SLC29A4: variants seen among roughly 807,000 people sequenced by gnomAD.
The protein encoded by SLC29A4 is solute carrier family 29 member 4.
In SLC29A4, 36 loss-of-function variants were observed where a neutral mutation model predicts 43.9. The ratio of observed to expected loss-of-function variants is 0.82; its 90% CI spans 0.63 to 1.08. The LOEUF is 1.08. Ranked by LOEUF, SLC29A4 falls within the 50% of genes least tolerant of loss-of-function variation. SLC29A4 has a pLI of 0.00. For synonymous variants in SLC29A4, 491 were observed against 338.0 expected (o/e 1.45, Z -4.97); for missense variants, 869 against 755.3 (o/e 1.15, Z -1.77).
At position 5,299,411 on chromosome 7, in the gene SLC29A4, C is replaced by CA. The variant is rs764948204; in HGVS notation, c.1194dup (p.Asp399ArgfsTer146). On this transcript the variant is annotated frameshift_variant, in exon 9 of 11. Transcript: ENST00000396872. LOFTEE classifies it high-confidence loss of function. ...CTCATCATGGCTGTGTTCAACCTGT[C>CA]AGACTTCGTGGGCAAGGTGGGCTGC... 4 of 1,611,446 alleles carry CA rather than the reference C, an allele frequency of 2.5e-6. No individual in the cohort carries two copies. The highest frequency in any genetic ancestry group is 3.4e-6 in the Non-Finnish European group (4 of 1,179,252).
intron 1 of SLC29A4, among the ~76,000 whole-genome samples, chr7:5,286,544 A>AG (rs1554261395): frequency 1.1e-3 from 160 of 147,092 alleles, no homozygotes; most frequent in African/African-American, 3.7e-3. Flanking sequence ...AGAAAAAAGA[A>AG]AAAAATCATT....
intron 10 of SLC29A4, 23 bp from the exon 11 acceptor site, chr7:5,302,774 C>T (rs1279913447): frequency 6.5e-7 from 1 of 1,545,458 alleles, no homozygotes; most frequent in East Asian, 2.4e-5. Context: ...GCCCTGCTCC[C>T]CTCAGGCTGG....
chr7:5,283,665 G>C (rs917957194), intron 1 of SLC29A4, among the ~76,000 whole-genome samples: 10 of 152,342 alleles, frequency 6.6e-5, no homozygotes, highest in Admixed American at 2.0e-4. Flanking sequence ...GAAAGGGGGT[G>C]GCCGGAGGGG....
chr7:5,294,746 G>C, intron 5 of SLC29A4, 114 bp from the exon 6 acceptor site: 1 of 987,382 alleles, frequency 1.0e-6, no homozygotes, highest in Non-Finnish European at 1.6e-6. Context: ...GCCATTAGTG[G>C]TGTTAACGGC....
rs544978945 is a variant in SLC29A4 at position 5,288,591 on chromosome 7, C to T, written c.169+606C>T. 7.9e-5 allele frequency among the ~76,000 whole-genome samples: 12 copies of T among 152,218 alleles called. 1 individual carries two copies. The South Asian group carries it at 1.5e-3, about 18-fold the overall frequency. ...ACAGGCTTGAGCCACCGCGCCCGTC[C>T]GCTGACCCATAAAGCTTCTATCTGG... On this transcript the variant is annotated intron_variant, in intron 2 of 10. Coordinates refer to ENST00000396872, the MANE Select transcript of SLC29A4 (RefSeq NM_153247.4).
chr7:5,299,506 G>C, intron 9 of SLC29A4, 79 bp downstream of exon 9: 4 of 1,460,686 alleles, frequency 2.7e-6, no homozygotes, highest in South Asian at 1.3e-5. Flanking sequence ...TATCCGGGAA[G>C]GGTTCTGAGT....
Position 5,306,328 on chromosome 7 carries a change from G to A in SLC29A4, c.*3389G>A, listed in dbSNP as rs888287511. The A allele has an allele frequency of 1.4e-4, 21 of 150,656 alleles. No individual in the cohort carries two copies. The highest frequency in any genetic ancestry group is 5.1e-4 in the African/African-American group (21 of 40,806). The allele number at this position is 150,656 out of a possible 1,614,324, so 9.3% of individuals were successfully genotyped here. On this transcript the variant is annotated 3_prime_UTR_variant, in exon 11 of 11. Transcript: ENST00000396872. ...TCCCACCTCAGCCTCCCGAGTAGCT[G>A]GGATTACAGGTGTGGGCCACCACAC...
intron 7 of SLC29A4, 133 bp downstream of exon 7, chr7:5,297,331 C>T (rs879749166): frequency 1.0e-4 from 109 of 1,058,288 alleles, no homozygotes; most frequent in Non-Finnish European, 1.3e-4. Context: ...GTGGAGACTC[C>T]TTCCTGCCAG....
rs528465717 is a variant in SLC29A4, at chr7:5,295,246, G to A, written c.619+312G>A. On this transcript the variant is annotated intron_variant, in intron 6 of 10. Coordinates refer to ENST00000396872, the MANE Select transcript of SLC29A4 (RefSeq NM_153247.4). ...CTGGGTGTGTGTTTGGTAAGTCTGC[G>A]TGTGCGCGTGTGTTAGGAGGTGGGC... Among the ~76,000 whole-genome samples the A allele has an allele frequency of 2.7e-4, 41 of 152,210 alleles. 1 individual carries two copies. The highest frequency in any genetic ancestry group is 4.0e-4 in the Non-Finnish European group (27 of 67,978).
chr7:5,297,888 C>G (rs921766116), intron 7 of SLC29A4, among the ~76,000 whole-genome samples: 1 of 152,164 alleles, frequency 6.6e-6, no homozygotes, highest in Non-Finnish European at 1.5e-5. Flanking sequence ...GTCCCCAGCA[C>G]AGACAGCCCC....
intron 2 of SLC29A4, 147 bp downstream of exon 2, chr7:5,288,132 C>T: frequency 2.8e-6 from 3 of 1,088,792 alleles, no homozygotes; most frequent in Non-Finnish European, 3.9e-6. Flanking sequence ...AGATCTGCTG[C>T]ATAACAAACA....
intron 1 of SLC29A4, among the ~76,000 whole-genome samples, chr7:5,284,499 A>G (rs1784842741): frequency 2.6e-5 from 4 of 152,244 alleles, no homozygotes. Flanking sequence ...TCAGGCATCA[A>G]GGGGTCACGG....
intron 5 of SLC29A4, among the ~76,000 whole-genome samples, chr7:5,293,363 G>T (rs570395889): frequency 1.4e-4 from 21 of 151,534 alleles, no homozygotes; most frequent in Admixed American, 5.3e-4. Flanking sequence ...GTAGAGATGG[G>T]GTTTCACCAT....
At chr7:5,290,930 A>G (rs1785264368) in intron 3 of SLC29A4, 67 bp downstream of exon 3, 2 of 1,559,976 alleles carry the variant, frequency 1.3e-6, no homozygotes, top group African/African-American at 1.4e-5. Context: ...CCTCCCAGAA[A>G]CCCCCGGCGG....
intron 1 of SLC29A4, among the ~76,000 whole-genome samples, chr7:5,284,629 T>G (rs1233228879): frequency 1.3e-5 from 2 of 152,044 alleles, no homozygotes; most frequent in Non-Finnish European, 2.9e-5. Flanking sequence ...TTGCCTTCCC[T>G]GGGGCGCAGT....
intron 2 of SLC29A4, among the ~76,000 whole-genome samples, chr7:5,290,228 G>A (rs377639462): frequency 2.0e-5 from 3 of 151,964 alleles, no homozygotes; most frequent in East Asian, 3.9e-4. Context: ...TAATTTTTTG[G>A]GTTTTTTTGT....
At chr7:5,300,397 C>G in intron 9 of SLC29A4, 25 bp from the exon 10 acceptor site, 1 of 1,609,900 alleles carries the variant, frequency 6.2e-7, no homozygotes. Flanking sequence ...CGGGACAGGG[C>G]GCCCACTTGC....
chr7:5,287,176 C>T (rs61642330), intron 1 of SLC29A4, among the ~76,000 whole-genome samples: 3,007 of 152,146 alleles, frequency 0.02, 105 homozygotes, highest in African/African-American at 0.069. Context: ...CTGTAACCCC[C>T]GCACTTTGGG....
rs373426363 is a variant in SLC29A4 at position 5,288,023 on chromosome 7, A to G, written c.169+38A>G. The G allele has an allele frequency of 3.2e-6, 5 of 1,574,402 alleles. No homozygotes were observed. The African/African-American group carries it at 4.1e-5, about 13-fold the overall frequency. The stretch of plus-strand genomic sequence containing the variant: ...GCGGGCAAGGTGCGGGTCTTGCCCC[A>G]AAGCAGGCTGGGCTGTGTGACCCCC... On this transcript the variant is annotated intron_variant, in intron 2 of 10. Transcript: ENST00000396872.
Sources: gnomAD v4.1 joint callset for allele counts (sites outside exome capture counted in the v4.1 genomes callset) on GRCh38, gnomAD v4.1.1 for gene constraint, MANE v1.5 for transcripts, NCBI Gene and HGNC (gene_info 2026-07-23, HGNC 2026-07-21) for gene names.